The following FREM1 variants were observed in gnomAD, a reference collection of about 807,000 sequenced individuals.
FREM1 encodes FRAS1-related extracellular matrix protein 1.
A neutral mutation model predicts 210.1 loss-of-function variants in FREM1; 220 were observed. The observed-to-expected ratio is 1.05, with a 90% CI of 0.94 to 1.17. The LOEUF (loss-of-function observed/expected upper bound fraction) is 1.17. Ranked by LOEUF, FREM1 falls within the 50% of genes most tolerant of loss-of-function variation. FREM1 has a pLI of 0.00. For missense variants in FREM1, 3,454 were observed against 2,675.5 expected (o/e 1.29, Z -6.42); for synonymous variants, 1,189 against 980.2 (o/e 1.21, Z -3.98).
chr9:14,777,057 C>T (rs1169004129), intron 24 of FREM1, among the ~76,000 whole-genome samples: 1 of 152,208 alleles, frequency 6.6e-6, no homozygotes, highest in Non-Finnish European at 1.5e-5. Flanking sequence ...GCACCCACTA[C>T]TCTTGCAGAG....
chr9:14,842,306 C>T lies in FREM1; in HGVS notation c.1738+10G>A, dbSNP rs986750661. 1 of 1,520,518 alleles carries T rather than the reference C, an allele frequency of 6.6e-7. No individual in the cohort carries two copies. The highest frequency in any genetic ancestry group is 2.3e-5 in the East Asian group (1 of 44,206). The allele number at this position is 1,520,518 out of a possible 1,614,324, so 94.2% of individuals were successfully genotyped here. On this transcript the variant is annotated intron_variant, in intron 9 of 36. Coordinates refer to ENST00000380880, the MANE Select transcript of FREM1 (RefSeq NM_001379081.2). ...TTCCATTCAAATGATCTTAACTGCC[C>T]AGAACTTACCTATCAGTCCTGGCCC... is the stretch of plus-strand genomic sequence containing the variant.
chr9:14,897,030 T>A (rs1837863021), intron 1 of FREM1, among the ~76,000 whole-genome samples: 1 of 152,196 alleles, frequency 6.6e-6, no homozygotes, highest in South Asian at 2.1e-4. Flanking sequence ...AAGATCTGCT[T>A]TCGATGACCT....
chr9:14,840,548 G>A (rs1043169081), intron 10 of FREM1, among the ~76,000 whole-genome samples: 10 of 152,242 alleles, frequency 6.6e-5, no homozygotes, highest in African/African-American at 2.2e-4. Context: ...ATCAGATCCC[G>A]TGAGACTTAT....
intron 2 of FREM1, among the ~76,000 whole-genome samples, chr9:14,866,881 A>G (rs1014715137): frequency 6.6e-6 from 1 of 150,866 alleles, no homozygotes; most frequent in Admixed American, 6.6e-5. Context: ...TTTTTTTCAG[A>G]CAGAGTCTCA....
At position 14,869,114 on chromosome 9, in the gene FREM1, T is replaced by A; in HGVS notation, c.-137A>T. The A allele has an allele frequency of 1.8e-6, 1 of 569,848 alleles. No homozygotes were observed. The highest frequency in any genetic ancestry group is 3.1e-6 in the Non-Finnish European group (1 of 326,504). The allele number at this position is 569,848 out of a possible 1,614,324, so 35.3% of individuals were successfully genotyped here. ...GTCCTGACAATGTGCCCCGAGATCT[T>A]AACATGCCCCTTTCATTTCAAAGTC... On this transcript the variant is annotated 5_prime_UTR_variant, in exon 2 of 37. The change abolishes the stop of an existing upstream ORF in the 5' untranslated region. Coordinates refer to ENST00000380880, the MANE Select transcript of FREM1 (RefSeq NM_001379081.2).
intron 7 of FREM1, among the ~76,000 whole-genome samples, chr9:14,848,278 C>T (rs1164304061): frequency 6.6e-6 from 1 of 152,208 alleles, no homozygotes; most frequent in East Asian, 1.9e-4. Flanking sequence ...TGCAGCCCAA[C>T]ATAAAAATAG....
intron 29 of FREM1, 118 bp from the exon 30 acceptor site, chr9:14,750,394 G>T: frequency 5.6e-6 from 4 of 708,092 alleles, no homozygotes; most frequent in Non-Finnish European, 4.6e-6. Context: ...GTGAGCTATT[G>T]TACTGCTACC....
chr9:14,746,285 G>A (rs1842410529), intron 35 of FREM1, 68 bp downstream of exon 35: 10 of 1,164,416 alleles, frequency 8.6e-6, no homozygotes, highest in Admixed American at 3.7e-5. Flanking sequence ...GCAGCTCTCC[G>A]CTTCCATGAG....
At chr9:14,812,370 T>C (rs183606196) in intron 16 of FREM1, among the ~76,000 whole-genome samples, 16 of 152,296 alleles carry the variant, frequency 1.1e-4, no homozygotes, top group African/African-American at 3.6e-4. Flanking sequence ...TATCGTTACT[T>C]TTCAGGAACT....
chr9:14,907,316 C>A (rs1025486876), intron 1 of FREM1, among the ~76,000 whole-genome samples: 4 of 152,198 alleles, frequency 2.6e-5, no homozygotes, highest in African/African-American at 9.7e-5. Flanking sequence ...AGCTGCATTA[C>A]AGACAAAATA....
At chr9:14,783,202 C>T (rs117488511) in intron 24 of FREM1, among the ~76,000 whole-genome samples, 3,468 of 152,226 alleles carry the variant, frequency 0.023, 62 homozygotes, top group Middle Eastern at 0.041. Flanking sequence ...CATTTTAATG[C>T]TAAAAAGGTG....
rs1221583317 is a variant in FREM1 at position 14,737,158 on chromosome 9, A to C, written c.*238T>G. The C allele has an allele frequency of 2.4e-6, 1 of 413,652 alleles. No homozygotes were observed. Among genetic ancestry groups the C allele is most frequent in the Non-Finnish European group, 4.3e-6 (1 of 234,790 alleles). The allele number at this position is 413,652 out of a possible 1,614,324, so 25.6% of individuals were successfully genotyped here. ...GAATAAACAAACCTTACACTTTATA[A>C]TACTGCTGGCATTTATTTTAAAAGG... On this transcript the variant is annotated 3_prime_UTR_variant, in exon 37 of 37. Transcript: ENST00000380880.
chr9:14,871,779 C>A (rs1014072544), intron 1 of FREM1, among the ~76,000 whole-genome samples: 1 of 151,466 alleles, frequency 6.6e-6, no homozygotes, highest in African/African-American at 2.4e-5. Flanking sequence ...ACGGTTTTTA[C>A]GGTTTTTACG....
chr9:14,811,870 C>T (rs1202368996), intron 16 of FREM1, among the ~76,000 whole-genome samples: 7 of 152,054 alleles, frequency 4.6e-5, no homozygotes, highest in African/African-American at 1.7e-4. Context: ...CCTGGCCTTA[C>T]ATACTTGATC....
At chr9:14,894,637 T>A (rs1032922291) in intron 1 of FREM1, among the ~76,000 whole-genome samples, 1 of 152,206 alleles carries the variant, frequency 6.6e-6, no homozygotes, top group Non-Finnish European at 1.5e-5. Context: ...ACGGTGCTAA[T>A]CCTTTGTTTT....
intron 28 of FREM1, 81 bp from the exon 29 acceptor site, chr9:14,756,527 AC>A (rs1844409640): frequency 1.1e-6 from 1 of 951,656 alleles, no homozygotes; most frequent in African/African-American, 1.7e-5. Flanking sequence ...CTCATACTGG[AC>A]TAAACTCATG....
intron 8 of FREM1, among the ~76,000 whole-genome samples, chr9:14,843,424 G>A (rs1337351193): frequency 6.6e-6 from 1 of 152,136 alleles, no homozygotes; most frequent in Non-Finnish European, 1.5e-5. Context: ...TTCTCCAACA[G>A]CCTAACAAGG....
intron 10 of FREM1, among the ~76,000 whole-genome samples, chr9:14,838,938 G>T (rs1284986420): frequency 6.6e-6 from 1 of 152,136 alleles, no homozygotes; most frequent in Non-Finnish European, 1.5e-5. Flanking sequence ...GCTGATGTTA[G>T]AGCTGACAGC....
Position 14,836,694 on chromosome 9 carries a change from C to T in FREM1, c.1881+4753G>A, listed in dbSNP as rs999286173. 1.7e-4 allele frequency among the ~76,000 whole-genome samples: 26 copies of T among 152,132 alleles called. No homozygotes were observed. The highest frequency in any genetic ancestry group is 1.5e-3 in the South Asian group (7 of 4,820). ...TTCTCGCCTAAAAGCAATCAAACTC[C>T]AAATGGTGCTGCAAACTGAACCGCA... On this transcript the variant is annotated intron_variant, in intron 10 of 36. Transcript: ENST00000380880. The surrounding 1 kb of genome is among the most constrained non-coding windows in gnomAD (Gnocchi z 4.9).
Sources: allele counts gnomAD v4.1 joint callset (sites outside exome capture counted in the v4.1 genomes callset), GRCh38; gene constraint gnomAD v4.1.1; non-coding constraint Gnocchi (gnomAD v3.1); transcripts MANE v1.5; gene names NCBI Gene and HGNC (gene_info 2026-07-23, HGNC 2026-07-21).